The following SLC12A7 variants were observed in gnomAD, a reference collection of about 807,000 sequenced individuals.
The protein encoded by SLC12A7 is K-Cl cotransporter 4.
Under a neutral mutation model 120.6 loss-of-function variants are expected in SLC12A7, and 100 were observed. That is an observed-to-expected ratio of 0.83 (90% CI 0.71 to 0.98). The LOEUF is 0.98. SLC12A7 is among the 50% of genes least tolerant of loss of function. SLC12A7 has a pLI of 0.00. For synonymous variants in SLC12A7, 760 were observed against 678.0 expected, an observed-to-expected ratio of 1.12 and a Z score of -1.88; for missense variants, 1,373 against 1,548.1, an observed-to-expected ratio of 0.89 and a Z score of 1.90.
rs557626743 is a variant in SLC12A7 at position 1,078,540 on chromosome 5, G to A, written c.1454+161C>T. Reference sequence around the variant, plus strand: ...GGCCCTAGGCTCCAGCGGAAGAGACGACACATCAGACCAAGGGATCCCAAC... The same window carrying A: ...GGCCCTAGGCTCCAGCGGAAGAGACAACACATCAGACCAAGGGATCCCAAC... On this transcript the variant is annotated intron_variant, in intron 11 of 23. Coordinates refer to ENST00000264930, the MANE Select transcript of SLC12A7 (RefSeq NM_006598.3). 230 of 664,398 alleles carry A rather than the reference G, an allele frequency of 3.5e-4. 3 individuals carry two copies. The South Asian group carries it at 3.9e-3, about 11-fold the overall frequency. 41.2% of individuals were successfully genotyped at this position (664,398 alleles called of 1,614,324 possible).
chr5:1,138,720 T>C, the SLC12A7 span, among the ~76,000 whole-genome samples: 690 of 152,364 alleles, frequency 4.5e-3, 5 homozygotes, highest in Admixed American at 0.012. Context: ...GGCCACCGTT[T>C]AGTTTACTAC....
the SLC12A7 span, among the ~76,000 whole-genome samples, chr5:1,136,288 A>G: frequency 1.3e-5 from 2 of 152,146 alleles, no homozygotes; most frequent in Non-Finnish European, 2.9e-5. Flanking sequence ...CCACCAAGAC[A>G]TGAGACACGA....
chr5:1,152,459 C>G, the SLC12A7 span, among the ~76,000 whole-genome samples: 1 of 152,216 alleles, frequency 6.6e-6, no homozygotes, highest in African/African-American at 2.4e-5. Flanking sequence ...CCCAGCAGGA[C>G]CGAGGGGGAT....
At chr5:1,077,467 C>T (rs1382535136) in intron 12 of SLC12A7, among the ~76,000 whole-genome samples, 7 of 152,216 alleles carry the variant, frequency 4.6e-5, no homozygotes, top group Non-Finnish European at 1.0e-4. Context: ...TGGCTGGTGA[C>T]GCCACCTCCC....
the SLC12A7 span, among the ~76,000 whole-genome samples, chr5:1,121,417 C>T: frequency 1.3e-3 from 198 of 152,324 alleles, no homozygotes; most frequent in African/African-American, 3.6e-3. Flanking sequence ...CATCAGCGCC[C>T]GTGTGCGGAT....
At chr5:1,145,214 G>A in the SLC12A7 span, among the ~76,000 whole-genome samples, 2 of 152,250 alleles carry the variant, frequency 1.3e-5, no homozygotes, top group Non-Finnish European at 2.9e-5. The surrounding 1 kb of genome is among the most constrained non-coding windows in gnomAD (Gnocchi z 4.4). Flanking sequence ...GTGGCCACAA[G>A]GGCCAGGCAG....
At chr5:1,134,226 T>C in the SLC12A7 span, among the ~76,000 whole-genome samples, 1 of 152,088 alleles carries the variant, frequency 6.6e-6, no homozygotes, top group Admixed American at 6.5e-5. Flanking sequence ...TCCCAGCACT[T>C]TTGGAGGCCA....
chr5:1,136,019 G>A, the SLC12A7 span, among the ~76,000 whole-genome samples: 2 of 152,182 alleles, frequency 1.3e-5, no homozygotes, highest in Non-Finnish European at 2.9e-5. Flanking sequence ...CTCGGGTCCA[G>A]AGGACACGGA....
chr5:1,052,622 AGCAGG>A (rs1319665199), intron 23 of SLC12A7, among the ~76,000 whole-genome samples, 171 bp from the exon 24 acceptor site: 3 of 65,924 alleles, frequency 4.6e-5, no homozygotes, highest in Admixed American at 2.0e-4. Flanking sequence ...GGCGGGGAGG[AGCAGG>A]GCAGGGGAGA....
chr5:1,150,666 G>A, the SLC12A7 span, among the ~76,000 whole-genome samples: 1 of 152,360 alleles, frequency 6.6e-6, no homozygotes, highest in South Asian at 2.1e-4. Flanking sequence ...TAAAATCACT[G>A]AGTCGAGACT....
intron 21 of SLC12A7, among the ~76,000 whole-genome samples, chr5:1,059,847 T>TAGAC (rs113772140): frequency 0.94 from 142,183 of 151,452 alleles, 67,415 homozygotes; most frequent in East Asian, 1. Flanking sequence ...CACTTGGTCT[T>TAGAC]AGGACAGAAA....
At chr5:1,079,103 C>T (rs1579371752) in intron 10 of SLC12A7, among the ~76,000 whole-genome samples, 2 of 152,146 alleles carry the variant, frequency 1.3e-5, no homozygotes, top group African/African-American at 4.8e-5. Flanking sequence ...AGCCAGAGGC[C>T]CCGCGGGCCC....
the SLC12A7 span, among the ~76,000 whole-genome samples, chr5:1,143,201 C>T: frequency 1.3e-5 from 2 of 152,360 alleles, no homozygotes; most frequent in African/African-American, 4.8e-5. Flanking sequence ...CCCGACATCC[C>T]GCCACCTCCC....
intron 1 of SLC12A7, among the ~76,000 whole-genome samples, chr5:1,109,934 G>A (rs541570360): frequency 2.0e-5 from 3 of 152,258 alleles, no homozygotes; most frequent in Admixed American, 6.5e-5. Flanking sequence ...CTGTGACCTT[G>A]TGGTGTGGAC....
chr5:1,112,341 GCCC>G (rs1743095689), upstream of SLC12A7, among the ~76,000 whole-genome samples: 1 of 26,954 alleles, frequency 3.7e-5, no homozygotes, highest in African/African-American at 1.1e-4. Context: ...CGCCCTCCCC[GCCC>G]TCCCCGGCCC....
At chr5:1,092,675 C>T (rs913795382) in intron 3 of SLC12A7, among the ~76,000 whole-genome samples, 4 of 152,078 alleles carry the variant, frequency 2.6e-5, no homozygotes, top group Admixed American at 6.5e-5. Context: ...TGGGGGAGGC[C>T]GTCGCCCGGC....
chr5:1,110,369 G>A (rs576706412), intron 1 of SLC12A7, among the ~76,000 whole-genome samples: 5 of 152,372 alleles, frequency 3.3e-5, no homozygotes, highest in Non-Finnish European at 7.3e-5. Flanking sequence ...ACCTGAGTGC[G>A]CGGGCAGCGA....
the SLC12A7 span, among the ~76,000 whole-genome samples, chr5:1,128,557 C>T: frequency 2.6e-5 from 4 of 152,196 alleles, no homozygotes; most frequent in South Asian, 2.1e-4. Context: ...GCTGCCCAGC[C>T]CCCAACACTC....
chr5:1,093,860 C>T (rs1393015975), intron 2 of SLC12A7, among the ~76,000 whole-genome samples: 1 of 152,186 alleles, frequency 6.6e-6, no homozygotes, highest in African/African-American at 2.4e-5. Flanking sequence ...GGGCCACCCA[C>T]CCATGGCAGG....
Sources: gnomAD v4.1 joint callset for allele counts (sites outside exome capture counted in the v4.1 genomes callset) on GRCh38, gnomAD v4.1.1 for gene constraint, Gnocchi (gnomAD v3.1) non-coding constraint, MANE v1.5 for transcripts, NCBI Gene and HGNC (gene_info 2026-07-23, HGNC 2026-07-21) for gene names.